Variants in STK39 observed in about 807,000 individuals in gnomAD.
The protein encoded by STK39 is serine/threonine kinase 39.
STK39 carries 20 observed loss-of-function variants against 77.8 expected under a neutral mutation model. That is an observed-to-expected ratio of 0.26 (90% CI 0.18 to 0.37). The LOEUF is 0.37. Among genes scored for constraint, STK39 ranks in the 10% least tolerant of loss-of-function variants. STK39 has a pLI of 1.00. For synonymous variants in STK39, 246 were observed against 234.1 expected, an observed-to-expected ratio of 1.05 and a Z score of -0.47; for missense variants, 479 against 656.5, an observed-to-expected ratio of 0.73 and a Z score of 2.95.
chr2:168,070,717 T>G lies in STK39; in HGVS notation c.1242+4265A>C, dbSNP rs568042107. Among the ~76,000 whole-genome samples the G allele has an allele frequency of 2.0e-5, 3 of 152,052 alleles. No individual in the cohort carries two copies. The South Asian group carries it at 6.3e-4, about 32-fold the overall frequency. On this transcript the variant is annotated intron_variant, in intron 12 of 17. Coordinates refer to ENST00000355999, the MANE Select transcript of STK39 (RefSeq NM_013233.3). ...GGTGTTTGGTTCTCTGTCCTTGCGA[T>G]AGTTTGCTCAGAATGATGGTTTCCA...
chr2:168,173,036 T>C (rs1033581551), intron 2 of STK39, among the ~76,000 whole-genome samples: 1 of 152,210 alleles, frequency 6.6e-6, no homozygotes, highest in Non-Finnish European at 1.5e-5. Context: ...CAGGTGGTTC[T>C]AATGTGCAGC....
intron 1 of STK39, among the ~76,000 whole-genome samples, chr2:168,241,963 G>A (rs1418363932): frequency 6.6e-6 from 1 of 152,204 alleles, no homozygotes; most frequent in Non-Finnish European, 1.5e-5. Context: ...CAGGCTGTCA[G>A]ACTCCAGAGC....
At chr2:168,224,894 A>G (rs1690266293) in intron 1 of STK39, among the ~76,000 whole-genome samples, 1 of 152,206 alleles carries the variant, frequency 6.6e-6, no homozygotes, top group South Asian at 2.1e-4. Flanking sequence ...AGGAGCTTAA[A>G]CACTGTCTCT....
intron 10 of STK39, among the ~76,000 whole-genome samples, chr2:168,091,150 G>GCACACACACA (rs71927823): frequency 1.2e-3 from 181 of 147,648 alleles, no homozygotes; most frequent in African/African-American, 3.0e-3. Flanking sequence ...ACAAACAGGT[G>GCACACACACA]CACACACACA....
chr2:168,193,920 C>T (rs1244149065), intron 1 of STK39, among the ~76,000 whole-genome samples: 1 of 152,182 alleles, frequency 6.6e-6, no homozygotes, highest in Non-Finnish European at 1.5e-5. Context: ...AGGTACCCAC[C>T]TCCTAATAAG....
At chr2:167,967,537 A>AAC (rs1187498042) in intron 16 of STK39, among the ~76,000 whole-genome samples, 1 of 151,624 alleles carries the variant, frequency 6.6e-6, no homozygotes, top group East Asian at 1.9e-4. Context: ...TGTTTTGGAG[A>AAC]ACATTTGGCC....
chr2:168,097,466 T>C (rs1041302341), intron 10 of STK39, among the ~76,000 whole-genome samples: 1 of 152,206 alleles, frequency 6.6e-6, no homozygotes, highest in Admixed American at 6.5e-5. Flanking sequence ...GGTTCACACC[T>C]GTAATCCCAG....
chr2:168,130,961 T>C (rs1574489450), intron 8 of STK39, among the ~76,000 whole-genome samples: 1 of 152,216 alleles, frequency 6.6e-6, no homozygotes, highest in Admixed American at 6.5e-5. Flanking sequence ...GACTGGATCC[T>C]GGGCTTGAGA....
chr2:168,173,070 G>C (rs1300038612), intron 2 of STK39, among the ~76,000 whole-genome samples: 1 of 152,168 alleles, frequency 6.6e-6, no homozygotes, highest in Non-Finnish European at 1.5e-5. Flanking sequence ...CCCTACTTGC[G>C]AGCTAAGTGC....
intron 1 of STK39, among the ~76,000 whole-genome samples, chr2:168,217,237 A>G (rs1690046861): frequency 6.6e-6 from 1 of 152,196 alleles, no homozygotes; most frequent in South Asian, 2.1e-4. Flanking sequence ...CACACAGGGA[A>G]CATGTTCCAT....
At chr2:168,074,665 T>C (rs1053169372) in intron 12 of STK39, among the ~76,000 whole-genome samples, 3 of 152,236 alleles carry the variant, frequency 2.0e-5, no homozygotes, top group Non-Finnish European at 2.9e-5. Flanking sequence ...AATTAATGGA[T>C]TACCTAGTCT....
intron 10 of STK39, among the ~76,000 whole-genome samples, chr2:168,096,169 G>T (rs2105442266): frequency 6.6e-6 from 1 of 152,136 alleles, no homozygotes; most frequent in Admixed American, 6.5e-5. Context: ...TATTGGCTGA[G>T]ATTTTTTTTT....
chr2:167,982,706 T>C (rs1441418635), intron 16 of STK39, among the ~76,000 whole-genome samples: 3 of 152,196 alleles, frequency 2.0e-5, no homozygotes, highest in Admixed American at 6.5e-5. Flanking sequence ...TAGGCACTGA[T>C]GAATTAACAA....
At chr2:168,235,712 T>C (rs1690586856) in intron 1 of STK39, among the ~76,000 whole-genome samples, 1 of 151,262 alleles carries the variant, frequency 6.6e-6, no homozygotes, top group African/African-American at 2.4e-5. Context: ...GTGTTTGATT[T>C]TTTGTCCCTG....
intron 1 of STK39, among the ~76,000 whole-genome samples, chr2:168,242,880 G>A (rs1174568784): frequency 2.2e-4 from 29 of 132,308 alleles, no homozygotes; most frequent in Admixed American, 4.7e-4. Context: ...GTGACAGAGT[G>A]AGACCCTTTA....
At chr2:168,222,857 C>G (rs1248043727) in intron 1 of STK39, among the ~76,000 whole-genome samples, 1 of 152,076 alleles carries the variant, frequency 6.6e-6, no homozygotes, top group African/African-American at 2.4e-5. Context: ...AAAACAGAGA[C>G]AATAATACCT....
Position 168,058,177 on chromosome 2 carries a change from C to G in STK39, c.1376+5323G>C, listed in dbSNP as rs151316955. On this transcript the variant is annotated intron_variant, in intron 14 of 17. Transcript: ENST00000355999. ...GCCAATCTCTTGAACCCAGTTGGAC[C>G]AGGCTTTTGTCCCCATCACTCCACT... Among the ~76,000 whole-genome samples, 1,489 of 152,326 alleles carry G rather than the reference C, an allele frequency of 9.8e-3. 23 individuals carry two copies. Among genetic ancestry groups the G allele is most frequent in the African/African-American group, 0.034 (1,424 of 41,568 alleles).
chr2:168,046,554 G>T (rs1685247191), intron 14 of STK39, among the ~76,000 whole-genome samples: 1 of 152,016 alleles, frequency 6.6e-6, no homozygotes, highest in South Asian at 2.2e-4. Context: ...CCCAAGTGGA[G>T]GTGAGTCACT....
intron 9 of STK39, 37 bp from the exon 10 acceptor site, chr2:168,129,643 T>A (rs755136120): frequency 6.2e-7 from 1 of 1,614,048 alleles, no homozygotes; most frequent in Non-Finnish European, 8.5e-7. Context: ...TAACATCAAA[T>A]ATGATACACA....
Sources: gnomAD v4.1 joint callset for allele counts (sites outside exome capture counted in the v4.1 genomes callset) on GRCh38, gnomAD v4.1.1 for gene constraint, MANE v1.5 for transcripts, NCBI Gene and HGNC (gene_info 2026-07-23, HGNC 2026-07-21) for gene names.